MAP9: variants seen among roughly 807,000 people sequenced by gnomAD.
MAP9 encodes the protein microtubule-associated protein 9.
A neutral mutation model predicts 75.2 loss-of-function variants in MAP9; 80 were observed. The observed-to-expected ratio is 1.06, with a 90% confidence interval of 0.89 to 1.28. The LOEUF is 1.28. MAP9 is among the 50% of genes most tolerant of loss of function. The pLI is 0.00. For synonymous variants in MAP9, 235 were observed against 237.3 expected, an observed-to-expected ratio of 0.99 and a Z score of 0.09; for missense variants, 753 against 719.9, an observed-to-expected ratio of 1.05 and a Z score of -0.53.
intron 5 of MAP9, chr4:155,362,558 T>A (rs996916377): frequency 6.5e-6 from 1 of 153,184 alleles, no homozygotes; most frequent in African/African-American, 2.4e-5. Context: ...AAGCAAATAT[T>A]ACTAGTTATC....
rs775191928 is a variant in MAP9, at chr4:155,375,790, T to G, written c.61A>C (p.Arg21=). 8.1e-6 allele frequency: 13 copies of G among 1,605,088 alleles called. No homozygotes were observed. In the East Asian group the frequency reaches 2.9e-4, roughly 36 times the overall value. ...AYTKSPKVTK[R]TTFQDELIRA... ...AAATACTTTACCTGGAAAGTAGTTCTTTTGGTAACTTTTGGACTCTTTGTA... is the reference window on the plus strand; with the variant it reads ...AAATACTTTACCTGGAAAGTAGTTCGTTTGGTAACTTTTGGACTCTTTGTA... The change falls in exon 2 of 14, where the codon AGA becomes CGA. Residue 21 remains arginine (R), a synonymous_variant. Coordinates refer to ENST00000311277, the MANE Select transcript of MAP9 (RefSeq NM_001039580.2).
rs141328797 is a variant in MAP9, at chr4:155,360,338, G to A, written c.880C>T (p.His294Tyr). 1.9e-6 allele frequency: 3 copies of A among 1,612,610 alleles called. No individual in the cohort carries two copies. The African/African-American group carries it at 4.0e-5, about 22-fold the overall frequency. The change falls in exon 7 of 14, where the codon CAT (histidine) becomes TAT (tyrosine). Residue 294 changes from histidine to tyrosine, a missense_variant. Physicochemically the swap from His to Tyr is moderately conservative, Grantham distance 83. Coordinates refer to ENST00000311277, the MANE Select transcript of MAP9 (RefSeq NM_001039580.2). ...ENKENSFSADHVTTAVEKSKE... is the reference protein window; with the variant it reads ...ENKENSFSADYVTTAVEKSKE... ...GATTTCTCAACTGCAGTAGTCACAT[G>A]GTCTGCTGAAAATGAATTCTCTTTA... is the stretch of plus-strand genomic sequence containing the variant.
At chr4:155,359,953 T>C (rs1201124144) in intron 7 of MAP9, among the ~76,000 whole-genome samples, 1 of 152,076 alleles carries the variant, frequency 6.6e-6, no homozygotes, top group Non-Finnish European at 1.5e-5. Flanking sequence ...CTCTGATAAT[T>C]TTTAAACACT....
At chr4:155,372,305 A>G (rs1732636617) in intron 4 of MAP9, among the ~76,000 whole-genome samples, 1 of 152,208 alleles carries the variant, frequency 6.6e-6, no homozygotes, top group Non-Finnish European at 1.5e-5. Flanking sequence ...TTTACTGATG[A>G]TATGCAAGGA....
rs768002153 is a variant in MAP9, at chr4:155,373,661, AATTTC to A, written c.161-210_161-206del. On this transcript the variant is annotated intron_variant, in intron 3 of 13. Coordinates refer to ENST00000311277, the MANE Select transcript of MAP9 (RefSeq NM_001039580.2). The stretch of plus-strand genomic sequence containing the variant: ...TTAACATTTATGAAATAAAAATTCC[AATTTC>A]ATTAATTTATTCAAAATGTATTTAT... 1.1e-4 allele frequency among the ~76,000 whole-genome samples: 17 copies of A among 152,324 alleles called. No individual in the cohort carries two copies. The South Asian group carries it at 1.2e-3, about 11-fold the overall frequency.
At position 155,368,517 on chromosome 4, in the gene MAP9, CTT is replaced by C. The variant is rs1477686523; in HGVS notation, c.708+67_708+68del. 3.9e-6 allele frequency: 5 copies of C among 1,284,262 alleles called. No homozygotes were observed. The South Asian group carries it at 6.0e-5, about 15-fold the overall frequency. The allele number at this position is 1,284,262 out of a possible 1,614,324, so 79.6% of individuals were successfully genotyped here. On this transcript the variant is annotated intron_variant, in intron 5 of 13. Coordinates refer to ENST00000311277, the MANE Select transcript of MAP9 (RefSeq NM_001039580.2). Reference sequence around the variant, plus strand: ...GCACACAAATTCATTCTCTCCTTCTCTTTTTCATAATCAGATAAAAAAGCATA... The same window carrying C: ...GCACACAAATTCATTCTCTCCTTCTCTTTCATAATCAGATAAAAAAGCATA...
intron 13 of MAP9, among the ~76,000 whole-genome samples, chr4:155,352,115 GCT>G (rs1344341509): frequency 6.6e-6 from 1 of 151,858 alleles, no homozygotes; most frequent in African/African-American, 2.4e-5. Flanking sequence ...CCTCAAACCT[GCT>G]CTCTTTCATT....
At chr4:155,358,844 G>C (rs1019589871) in intron 7 of MAP9, among the ~76,000 whole-genome samples, 4 of 151,898 alleles carry the variant, frequency 2.6e-5, no homozygotes, top group Non-Finnish European at 5.9e-5. Context: ...AATCATCAGA[G>C]AAACACAAAT....
At chr4:155,366,592 G>A (rs1375898801) in intron 5 of MAP9, among the ~76,000 whole-genome samples, 1 of 152,034 alleles carries the variant, frequency 6.6e-6, no homozygotes, top group Non-Finnish European at 1.5e-5. Context: ...GATTTAGCAC[G>A]AAAGACACAA....
chr4:155,366,886 T>C (rs571507777), intron 5 of MAP9, among the ~76,000 whole-genome samples: 1 of 152,272 alleles, frequency 6.6e-6, no homozygotes, highest in East Asian at 1.9e-4. Context: ...AAAATAATGA[T>C]ACCAAACTTT....
chr4:155,372,953 G>A (rs1732667383), intron 4 of MAP9, 183 bp downstream of exon 4: 1 of 461,620 alleles, frequency 2.2e-6, no homozygotes, highest in African/African-American at 2.0e-5. Flanking sequence ...TAAAATTGAA[G>A]TTAGACAAAA....
At chr4:155,369,290 C>G (rs2111271309) in intron 4 of MAP9, among the ~76,000 whole-genome samples, 1 of 147,636 alleles carries the variant, frequency 6.8e-6, no homozygotes, top group Non-Finnish European at 1.5e-5. Flanking sequence ...GATCACACCA[C>G]TGCACTCCAG....
chr4:155,359,681 G>A (rs184041107), intron 7 of MAP9, among the ~76,000 whole-genome samples: 3 of 152,088 alleles, frequency 2.0e-5, no homozygotes, highest in Middle Eastern at 3.4e-3. Flanking sequence ...GATCAAATAC[G>A]AATAATAATA....
At chr4:155,376,393 G>A (rs1319363032) in intron 1 of MAP9, 2 of 152,302 alleles carry the variant, frequency 1.3e-5, no homozygotes, top group Non-Finnish European at 2.9e-5. Context: ...CAGCCAGCGA[G>A]ATGTATTGCA....
chr4:155,347,971 C>G lies in MAP9; in HGVS notation c.1822-66G>C, dbSNP rs1578827635. 15 of 1,028,904 alleles carry G rather than the reference C, an allele frequency of 1.5e-5. No homozygotes were observed. The East Asian group carries it at 3.7e-4, about 26-fold the overall frequency. The allele number at this position is 1,028,904 out of a possible 1,614,324, so 63.7% of individuals were successfully genotyped here. On this transcript the variant is annotated intron_variant, in intron 13 of 13. Transcript: ENST00000311277. ...TGATTATTATTTTCAAATCAGGTTG[C>G]TTGCTGAAGAACAAAATAATCCATT... is the stretch of plus-strand genomic sequence containing the variant.
At chr4:155,372,662 A>G (rs575405241) in intron 4 of MAP9, among the ~76,000 whole-genome samples, 1 of 152,376 alleles carries the variant, frequency 6.6e-6, no homozygotes, top group East Asian at 1.9e-4. Flanking sequence ...TCCTTCAAAT[A>G]TACAAATGTC....
chr4:155,353,000 C>T lies in MAP9; in HGVS notation c.1600G>A (p.Glu534Lys), dbSNP rs754787957. ...MEYLKEKNRK[E>K]REYERAKKQK... The stretch of plus-strand genomic sequence containing the variant: ...TTCTTTGCTCTTTCATATTCTCTCT[C>T]CTTTCTATTTTTCTCTTTAAGATAT... The change falls in exon 12 of 14, where the codon GAG becomes AAG. Residue 534 changes from glutamate to lysine, a missense_variant. Glu to Lys is a moderately conservative substitution (Grantham distance 56). Transcript: ENST00000311277. The T allele has an allele frequency of 6.5e-7, 1 of 1,541,728 alleles. No homozygotes were observed. The highest frequency in any genetic ancestry group is 1.2e-5 in the South Asian group (1 of 82,750).
intron 1 of MAP9, chr4:155,376,468 G>A (rs1732850923): frequency 6.6e-6 from 1 of 152,384 alleles, no homozygotes; most frequent in African/African-American, 2.4e-5. Context: ...CTTTCGCGAT[G>A]AGCCGCATTA....
chr4:155,347,661 G>A lies in MAP9; in HGVS notation c.*122C>T, dbSNP rs1731330418. On this transcript the variant is annotated 3_prime_UTR_variant, in exon 14 of 14. Transcript: ENST00000311277. ...TTCCAAAGTATTTCTTTCATTGTCA[G>A]CAGGAGTGTCTGGCATTTAATTAAA... 2.1e-6 allele frequency: 2 copies of A among 947,012 alleles called. No individual in the cohort carries two copies. The highest frequency in any genetic ancestry group is 3.0e-6 in the Non-Finnish European group (2 of 664,906). 58.7% of individuals were successfully genotyped at this position (947,012 alleles called of 1,614,324 possible).
Sources: gnomAD v4.1 joint callset for allele counts (sites outside exome capture counted in the v4.1 genomes callset) on GRCh38, gnomAD v4.1.1 for gene constraint, MANE v1.5 for transcripts, NCBI Gene and HGNC (gene_info 2026-07-23, HGNC 2026-07-21) for gene names.